ELF1: variants seen among roughly 807,000 people sequenced by gnomAD.
ELF1 encodes E74 like ETS transcription factor 1.
ELF1 carries 24 observed loss-of-function variants against 59.9 expected under a neutral mutation model. That is an observed-to-expected ratio of 0.40 (90% CI 0.29 to 0.56). ELF1 has a LOEUF of 0.56. Among genes scored for constraint, ELF1 ranks in the 20% least tolerant of loss-of-function variants. ELF1 has a pLI of 0.44. For synonymous variants in ELF1, 248 were observed against 266.2 expected (o/e 0.93, Z 0.67); for missense variants, 627 against 742.2 (o/e 0.84, Z 1.80).
rs1303515166 is a variant in ELF1, at chr13:41,060,905, AGCT to A, written c.-299_-297del. The A allele has an allele frequency of 8.7e-5, 28 of 320,568 alleles. 2 individuals carry two copies. Among genetic ancestry groups the A allele is most frequent in the Middle Eastern group, 8.1e-4 (1 of 1,232 alleles). The allele number at this position is 320,568 out of a possible 1,614,324, so 19.9% of individuals were successfully genotyped here. On this transcript the variant is annotated 5_prime_UTR_variant, in exon 1 of 2. Transcript: ENST00000405737. ...GCCACCGCCGCCTCTGCGCTACTGA[AGCT>A]GCTGCTGCCGCCGCCGCCGCCGCCG...
chr13:41,004,985 A>C (rs1009994944), intron 1 of ELF1, among the ~76,000 whole-genome samples: 1 of 152,136 alleles, frequency 6.6e-6, no homozygotes, highest in African/African-American at 2.4e-5. Context: ...TTAAAGCAGC[A>C]ATTGTACATC....
intron 1 of ELF1, among the ~76,000 whole-genome samples, chr13:41,047,951 T>A (rs1409401941): frequency 6.6e-6 from 1 of 152,214 alleles, no homozygotes; most frequent in Non-Finnish European, 1.5e-5. Context: ...GGCCACTTTG[T>A]TTACCTACTC....
At chr13:41,047,563 G>A (rs560454818) in intron 1 of ELF1, among the ~76,000 whole-genome samples, 12 of 152,296 alleles carry the variant, frequency 7.9e-5, no homozygotes, top group Admixed American at 2.0e-4. Flanking sequence ...CTGTGTGCCC[G>A]GGTATCAGCA....
chr13:41,017,597 C>T (rs1034626968), intron 1 of ELF1, among the ~76,000 whole-genome samples: 1 of 152,048 alleles, frequency 6.6e-6, no homozygotes, highest in African/African-American at 2.4e-5. Flanking sequence ...CCCCTTCTCC[C>T]TTCTCCTTGA....
chr13:41,057,953 A>T (rs1225738362), intron 1 of ELF1, among the ~76,000 whole-genome samples: 1 of 152,228 alleles, frequency 6.6e-6, no homozygotes, highest in African/African-American at 2.4e-5. Flanking sequence ...CTTTAAGCCT[A>T]GATTTCATTC....
chr13:40,975,745 G>A (rs1872867017), intron 2 of ELF1, among the ~76,000 whole-genome samples: 1 of 152,166 alleles, frequency 6.6e-6, no homozygotes, highest in Non-Finnish European at 1.5e-5. Flanking sequence ...ATTCAGAGAT[G>A]CTCTGATATG....
chr13:41,010,891 G>C (rs959357710), intron 1 of ELF1, among the ~76,000 whole-genome samples: 6 of 152,116 alleles, frequency 3.9e-5, no homozygotes, highest in African/African-American at 1.2e-4. Flanking sequence ...TCAGGAAAGA[G>C]AGCCAAGGGA....
chr13:41,026,862 G>A (rs1875954422), intron 1 of ELF1, among the ~76,000 whole-genome samples: 1 of 152,142 alleles, frequency 6.6e-6, no homozygotes, highest in Admixed American at 6.5e-5. Context: ...CATGGTTCCT[G>A]GTGCTACACT....
intron 3 of ELF1, among the ~76,000 whole-genome samples, chr13:40,952,840 CA>C (rs1431530810): frequency 1.4e-5 from 2 of 145,038 alleles, no homozygotes; most frequent in Non-Finnish European, 3.1e-5. Context: ...TCACTGCCCT[CA>C]AGTCCTTACC....
chr13:41,032,556 T>C (rs1410466161), intron 1 of ELF1, among the ~76,000 whole-genome samples: 1 of 151,952 alleles, frequency 6.6e-6, no homozygotes, highest in Admixed American at 6.5e-5. Flanking sequence ...ATTCTATTTA[T>C]AAGGAGATTA....
upstream of ELF1, among the ~76,000 whole-genome samples, chr13:41,021,971 A>G (rs973196025): frequency 3.3e-5 from 5 of 152,210 alleles, no homozygotes; most frequent in African/African-American, 1.2e-4. Context: ...TGGGAATGCA[A>G]AAGTTTAGCC....
Position 41,042,595 on chromosome 13 carries a change from G to T in ELF1, c.-229+18243C>A, listed in dbSNP as rs534678399. 7.0e-4 allele frequency among the ~76,000 whole-genome samples: 106 copies of T among 152,230 alleles called. 1 individual carries two copies. The highest frequency in any genetic ancestry group is 2.5e-3 in the African/African-American group (103 of 41,540). ...GTCCTTGCGATAGTTTGCTGAGAAT[G>T]ATGGTTTCCAGCTTCATCCATGTCC... On this transcript the variant is annotated intron_variant, in intron 1 of 1. Transcript: ENST00000405737.
intron 2 of ELF1, among the ~76,000 whole-genome samples, chr13:40,965,031 A>G (rs549987920): frequency 3.9e-5 from 6 of 152,344 alleles, no homozygotes; most frequent in African/African-American, 9.6e-5. Flanking sequence ...AATTCAACCA[A>G]TAATAGGACT....
intron 1 of ELF1, among the ~76,000 whole-genome samples, chr13:41,014,000 A>G (rs1484892996): frequency 6.6e-6 from 1 of 152,132 alleles, no homozygotes. Context: ...TGATCACTAT[A>G]TGACTGGGCA....
At chr13:41,047,986 C>T (rs1261808096) in intron 1 of ELF1, among the ~76,000 whole-genome samples, 1 of 152,264 alleles carries the variant, frequency 6.6e-6, no homozygotes, top group African/African-American at 2.4e-5. Context: ...GCGGGTGCCC[C>T]TTCCCCAGCC....
Position 40,949,964 on chromosome 13 carries a change from ATAT to A in ELF1, c.368_370del (p.Asn123del), listed in dbSNP as rs1368847253. The A allele has an allele frequency of 9.3e-6, 15 of 1,609,670 alleles. No homozygotes were observed. Among genetic ancestry groups the A allele is most frequent in the Admixed American group, 1.7e-5 (1 of 59,440 alleles). On this transcript the variant is annotated inframe_deletion, in exon 5 of 9. Transcript: ENST00000239882. ...CATGTCATCTTCAGGTGAACTAAAT[ATAT>A]TATTATCTAATGAAAATAAAATCAA...
At chr13:41,013,472 T>C (rs1875193130) in intron 1 of ELF1, among the ~76,000 whole-genome samples, 3 of 152,146 alleles carry the variant, frequency 2.0e-5, no homozygotes, top group South Asian at 2.1e-4. Flanking sequence ...ACAGAATATA[T>C]GGTGTGATTC....
chr13:40,961,394 T>C (rs1871810289), intron 2 of ELF1, among the ~76,000 whole-genome samples: 1 of 152,008 alleles, frequency 6.6e-6, no homozygotes, highest in Non-Finnish European at 1.5e-5. Flanking sequence ...GCTCAAAAAT[T>C]ATACTATAGA....
chr13:41,042,626 A>G (rs1430065180), intron 1 of ELF1, among the ~76,000 whole-genome samples: 2 of 152,148 alleles, frequency 1.3e-5, no homozygotes, highest in Non-Finnish European at 2.9e-5. Flanking sequence ...TGTCCCTACA[A>G]AGGACATGAA....
Sources: allele counts gnomAD v4.1 joint callset (sites outside exome capture counted in the v4.1 genomes callset), GRCh38; gene constraint gnomAD v4.1.1; transcripts MANE v1.5; gene names NCBI Gene and HGNC (gene_info 2026-07-23, HGNC 2026-07-21).